Variants in CNTNAP2 observed in about 807,000 individuals in gnomAD.
CNTNAP2 encodes the protein contactin associated protein 2, also known as contactin-associated protein-like 2.
Under a neutral mutation model 155.2 loss-of-function variants are expected in CNTNAP2, and 98 were observed. The ratio of observed to expected loss-of-function variants is 0.63; its 90% CI spans 0.54 to 0.75. CNTNAP2 has a LOEUF of 0.75. Ranked by LOEUF, CNTNAP2 falls within the 30% of genes least tolerant of loss-of-function variation. CNTNAP2 has a pLI of 0.00. For synonymous variants in CNTNAP2, 651 were observed against 631.2 expected, an observed-to-expected ratio of 1.03 and a Z score of -0.47; for missense variants, 1,727 against 1,688.1, an observed-to-expected ratio of 1.02 and a Z score of -0.40.
At chr7:148,294,520 G>A (rs896615345) in intron 21 of CNTNAP2, among the ~76,000 whole-genome samples, 11 of 152,292 alleles carry the variant, frequency 7.2e-5, no homozygotes, top group African/African-American at 2.6e-4. Context: ...TCTTTAGGGT[G>A]AAGGAGCAAC....
At chr7:148,205,003 A>C (rs917757403) in intron 18 of CNTNAP2, among the ~76,000 whole-genome samples, 2 of 152,210 alleles carry the variant, frequency 1.3e-5, no homozygotes, top group Non-Finnish European at 2.9e-5. Flanking sequence ...ACTCAGTAGG[A>C]GCTCATGTCT....
intron 1 of CNTNAP2, among the ~76,000 whole-genome samples, chr7:146,760,034 T>C (rs1802064086): frequency 6.6e-6 from 1 of 152,192 alleles, no homozygotes; most frequent in Non-Finnish European, 1.5e-5. Context: ...TGTTTTCTAG[T>C]TAAGCAAACT....
chr7:147,852,656 A>G (rs189068387), intron 13 of CNTNAP2, among the ~76,000 whole-genome samples: 1 of 152,206 alleles, frequency 6.6e-6, no homozygotes, highest in African/African-American at 2.4e-5. Context: ...GCTAATTTCA[A>G]ATCTGTACCA....
In CNTNAP2 at chr7:146,174,236, C is replaced by A. The variant is rs114786011; in HGVS notation, c.97+57263C>A. On this transcript the variant is annotated intron_variant, in intron 1 of 23. Coordinates refer to ENST00000361727, the MANE Select transcript of CNTNAP2 (RefSeq NM_014141.6). ...AAGGAAAGAAAAAAAAGAAAAAAAACCCAACATAACAACAGAATACCGAAT... is the reference window on the plus strand; with the variant it reads ...AAGGAAAGAAAAAAAAGAAAAAAAAACCAACATAACAACAGAATACCGAAT... Among the ~76,000 whole-genome samples the A allele has an allele frequency of 7.2e-3, 1,084 of 150,888 alleles. 12 individuals carry two copies. The highest frequency in any genetic ancestry group is 0.025 in the African/African-American group (1,022 of 41,150).
At chr7:146,158,395 A>G (rs1798161328) in intron 1 of CNTNAP2, among the ~76,000 whole-genome samples, 1 of 152,210 alleles carries the variant, frequency 6.6e-6, no homozygotes, top group Non-Finnish European at 1.5e-5. Flanking sequence ...AATGACTTTG[A>G]TGAGTTTAGA....
intron 1 of CNTNAP2, among the ~76,000 whole-genome samples, chr7:146,464,592 C>T (rs1195431719): frequency 6.6e-6 from 1 of 152,082 alleles, no homozygotes. Context: ...CTCTTTTTCT[C>T]TTCCTCCTCC....
intron 11 of CNTNAP2, among the ~76,000 whole-genome samples, chr7:147,557,738 T>C (rs915736590): frequency 3.9e-5 from 6 of 152,208 alleles, no homozygotes; most frequent in Admixed American, 6.5e-5. Context: ...ACTTCTAGTT[T>C]TTGAAGTATC....
chr7:147,550,201 GT>G (rs1370333599), intron 11 of CNTNAP2, among the ~76,000 whole-genome samples: 45 of 152,224 alleles, frequency 3.0e-4, no homozygotes, highest in African/African-American at 1.0e-3. Context: ...TTTCAGTGGG[GT>G]TCTCTTTTTT....
At chr7:148,269,322 A>C (rs1796732014) in intron 21 of CNTNAP2, among the ~76,000 whole-genome samples, 1 of 152,236 alleles carries the variant, frequency 6.6e-6, no homozygotes. Context: ...GCACTCAGGC[A>C]CAGTCTCAAA....
At chr7:146,676,176 G>T (rs969509019) in intron 1 of CNTNAP2, among the ~76,000 whole-genome samples, 1 of 151,972 alleles carries the variant, frequency 6.6e-6, no homozygotes, top group African/African-American at 2.4e-5. Flanking sequence ...GTTTGTTTAT[G>T]ATATACATGT....
chr7:147,961,623 A>G (rs1036817022), intron 14 of CNTNAP2, among the ~76,000 whole-genome samples: 2 of 152,076 alleles, frequency 1.3e-5, no homozygotes, highest in African/African-American at 4.8e-5. Flanking sequence ...CAATATTAAA[A>G]CCTTTACTTC....
chr7:146,600,774 A>T (rs574343793), intron 1 of CNTNAP2, among the ~76,000 whole-genome samples: 2 of 152,294 alleles, frequency 1.3e-5, no homozygotes, highest in South Asian at 4.1e-4. Flanking sequence ...TCATCTATGC[A>T]TTTCCAAAAC....
rs1167254874 is a variant in CNTNAP2, at chr7:148,320,362, A to C, written c.3475+53236A>C. ...CAGGGTGGAGAGCTGAGACCTAACA[A>C]AGAATTTTTTTTTCTTTTTTTTTTT... On this transcript the variant is annotated intron_variant, in intron 21 of 23. Coordinates refer to ENST00000361727, the MANE Select transcript of CNTNAP2 (RefSeq NM_014141.6). 3.4e-5 allele frequency among the ~76,000 whole-genome samples: 5 copies of C among 149,074 alleles called. No homozygotes were observed. In the Admixed American group the frequency reaches 3.4e-4, roughly 10 times the overall value.
chr7:148,225,167 G>C (rs1395021258), intron 19 of CNTNAP2, among the ~76,000 whole-genome samples: 1 of 152,202 alleles, frequency 6.6e-6, no homozygotes, highest in Non-Finnish European at 1.5e-5. Flanking sequence ...GCTTATCTTT[G>C]AATAGGAGAA....
chr7:147,796,702 C>T (rs1797901864), intron 13 of CNTNAP2, among the ~76,000 whole-genome samples: 1 of 152,132 alleles, frequency 6.6e-6, no homozygotes, highest in Non-Finnish European at 1.5e-5. Flanking sequence ...GGAAGCTTCT[C>T]TATAACCAAG....
chr7:147,364,935 A>G (rs935778764), intron 9 of CNTNAP2, among the ~76,000 whole-genome samples: 12 of 152,168 alleles, frequency 7.9e-5, no homozygotes, highest in Non-Finnish European at 1.3e-4. Flanking sequence ...TGTCACAGGA[A>G]CAAAGAGTTT....
At chr7:146,638,586 G>C (rs898508085) in intron 1 of CNTNAP2, among the ~76,000 whole-genome samples, 2 of 144,314 alleles carry the variant, frequency 1.4e-5, no homozygotes, top group East Asian at 2.1e-4. Context: ...CCGGGTTCAC[G>C]CCATTCTCCT....
intron 1 of CNTNAP2, among the ~76,000 whole-genome samples, chr7:146,400,760 G>A (rs1795702588): frequency 6.6e-6 from 1 of 152,144 alleles, no homozygotes. Context: ...AACCTTAGTG[G>A]GACACTGAAA....
chr7:146,768,568 G>A (rs1309722781), intron 1 of CNTNAP2, among the ~76,000 whole-genome samples: 1 of 151,908 alleles, frequency 6.6e-6, no homozygotes, highest in Non-Finnish European at 1.5e-5. Flanking sequence ...AAATGTGCAG[G>A]TATAGGTAGA....
Sources: gnomAD v4.1 joint callset for allele counts (sites outside exome capture counted in the v4.1 genomes callset) on GRCh38, gnomAD v4.1.1 for gene constraint, MANE v1.5 for transcripts, NCBI Gene and HGNC (gene_info 2026-07-23, HGNC 2026-07-21) for gene names.